TRHDE: variants seen among roughly 807,000 people sequenced by gnomAD.
TRHDE encodes the protein thyrotropin releasing hormone degrading enzyme.
Under a neutral mutation model 125.7 loss-of-function variants are expected in TRHDE, and 72 were observed. That is an observed-to-expected ratio of 0.57 (90% CI 0.47 to 0.70). TRHDE has a LOEUF of 0.70. Among genes scored for constraint, TRHDE ranks in the 30% least tolerant of loss-of-function variants. The pLI is 0.00. For synonymous variants in TRHDE, 509 were observed against 509.1 expected (o/e 1.00, Z 0.00); for missense variants, 1,110 against 1,327.1 (o/e 0.84, Z 2.54).
chr12:72,537,790 C>A (rs763836641), intron 6 of TRHDE, among the ~76,000 whole-genome samples: 1 of 151,962 alleles, frequency 6.6e-6, no homozygotes, highest in Non-Finnish European at 1.5e-5. Flanking sequence ...TTTTTGAGAG[C>A]CTGCTATGTG....
At chr12:72,326,774 C>T (rs1463606294) in intron 2 of TRHDE, among the ~76,000 whole-genome samples, 1 of 152,100 alleles carries the variant, frequency 6.6e-6, no homozygotes, top group Non-Finnish European at 1.5e-5. Context: ...CGTAGGAAGT[C>T]CACTTTCAGA....
Position 72,653,115 on chromosome 12 carries a change from C to A in TRHDE, c.2943C>A (p.Ala981=). The change falls in exon 17 of 19, where the codon GCC becomes GCA. Residue 981 remains alanine, a synonymous_variant. Transcript: ENST00000261180. The part of the protein sequence containing the change: ...VARNPHGRDL[A]WKFFRDKWKI... ...GAAATCCACATGGTCGAGACCTTGC[C>A]TGGAAGTTTTTCAGGGATAAATGGA... The A allele has an allele frequency of 1.2e-6, 2 of 1,609,040 alleles. No homozygotes were observed. Among genetic ancestry groups the A allele is most frequent in the Admixed American group, 3.4e-5 (2 of 59,460 alleles).
At chr12:72,152,513 G>A (rs1000788191) in intron 2 of TRHDE, among the ~76,000 whole-genome samples, 33 of 152,142 alleles carry the variant, frequency 2.2e-4, no homozygotes, top group African/African-American at 7.7e-4. Flanking sequence ...TGTCCATTCA[G>A]TATGATATTG....
At chr12:72,344,940 A>G (rs1295265016) in intron 2 of TRHDE, among the ~76,000 whole-genome samples, 1 of 152,128 alleles carries the variant, frequency 6.6e-6, no homozygotes, top group Non-Finnish European at 1.5e-5. Flanking sequence ...GGCCTTGGAA[A>G]TGGACTCTGG....
chr12:72,168,435 A>T (rs952586904), intron 2 of TRHDE, among the ~76,000 whole-genome samples: 7 of 152,166 alleles, frequency 4.6e-5, no homozygotes, highest in Non-Finnish European at 8.8e-5. Flanking sequence ...TAGAGGTTGT[A>T]TGGTTCTGGG....
chr12:72,413,807 C>T (rs575781352), intron 3 of TRHDE, among the ~76,000 whole-genome samples: 4 of 151,966 alleles, frequency 2.6e-5, no homozygotes, highest in Admixed American at 6.6e-5. Context: ...AATTGTTGGC[C>T]TTGCTGTAGT....
chr12:72,242,836 T>C (rs553473714), intron 2 of TRHDE, among the ~76,000 whole-genome samples: 24 of 152,310 alleles, frequency 1.6e-4, no homozygotes, highest in South Asian at 2.1e-4. Flanking sequence ...GAGAGACAGG[T>C]TGGAGAATGG....
chr12:72,109,558 G>A (rs1875269389), intron 2 of TRHDE, among the ~76,000 whole-genome samples: 1 of 151,958 alleles, frequency 6.6e-6, no homozygotes, highest in South Asian at 2.1e-4. Flanking sequence ...TTTTCTCTAT[G>A]GTGGCACTTT....
intron 7 of TRHDE, among the ~76,000 whole-genome samples, chr12:72,544,220 A>G (rs1405269126): frequency 6.6e-6 from 1 of 151,508 alleles, no homozygotes; most frequent in East Asian, 1.9e-4. Flanking sequence ...TCTAGGTGAT[A>G]AATTATCATC....
chr12:72,589,034 A>G (rs894439969), intron 12 of TRHDE, among the ~76,000 whole-genome samples: 1 of 152,168 alleles, frequency 6.6e-6, no homozygotes, highest in Non-Finnish European at 1.5e-5. Context: ...ACCTCGCACT[A>G]GGTTTCTCCC....
At chr12:72,253,184 T>A (rs1424250233) in intron 2 of TRHDE, among the ~76,000 whole-genome samples, 1 of 152,140 alleles carries the variant, frequency 6.6e-6, no homozygotes, top group Non-Finnish European at 1.5e-5. Context: ...TATATAGAAA[T>A]GACATTGGTT....
chr12:72,518,312 T>A (rs1408598592), intron 6 of TRHDE, among the ~76,000 whole-genome samples: 3 of 146,742 alleles, frequency 2.0e-5, no homozygotes, highest in Non-Finnish European at 4.5e-5. Flanking sequence ...GGACTTGCTT[T>A]ATGAATCTGG....
At chr12:72,397,992 C>T (rs1285670848) in intron 3 of TRHDE, among the ~76,000 whole-genome samples, 2 of 138,164 alleles carry the variant, frequency 1.4e-5, no homozygotes, top group African/African-American at 5.4e-5. Context: ...CCTCCCCCAA[C>T]CCCACAACAG....
At chr12:72,125,070 TG>T (rs1306161668) in intron 2 of TRHDE, among the ~76,000 whole-genome samples, 1 of 152,204 alleles carries the variant, frequency 6.6e-6, no homozygotes, top group East Asian at 1.9e-4. Context: ...AGATTCAATT[TG>T]TTAATATTTT....
chr12:72,510,123 G>C (rs1194893527), intron 6 of TRHDE, among the ~76,000 whole-genome samples: 1 of 152,092 alleles, frequency 6.6e-6, no homozygotes, highest in Non-Finnish European at 1.5e-5. Flanking sequence ...TCCCTCTCCT[G>C]CCTCAGGCAC....
intron 2 of TRHDE, among the ~76,000 whole-genome samples, chr12:72,151,746 T>C (rs1197642112): frequency 6.6e-6 from 1 of 152,190 alleles, no homozygotes; most frequent in Admixed American, 6.5e-5. Flanking sequence ...TTCTGTTCCA[T>C]TGGTCTATAT....
At chr12:72,371,738 C>T (rs1371152830) in intron 2 of TRHDE, among the ~76,000 whole-genome samples, 19 of 151,986 alleles carry the variant, frequency 1.3e-4, no homozygotes, top group East Asian at 1.9e-4. Flanking sequence ...TTTTTATGGC[C>T]GCATAGTATT....
chr12:72,263,129 A>T (rs1878989190), intron 2 of TRHDE: 1 of 152,072 alleles, frequency 6.6e-6, no homozygotes, highest in African/African-American at 2.4e-5. Flanking sequence ...TAAAAATAAA[A>T]ATGAGAAGAG....
At chr12:72,380,475 G>A (rs1286865719) in intron 3 of TRHDE, among the ~76,000 whole-genome samples, 2 of 152,140 alleles carry the variant, frequency 1.3e-5, no homozygotes, top group Non-Finnish European at 2.9e-5. Flanking sequence ...TTAGGAAGAT[G>A]GCTTTTAAGT....
Sources: gnomAD v4.1 joint callset for allele counts (sites outside exome capture counted in the v4.1 genomes callset) on GRCh38, gnomAD v4.1.1 for gene constraint, MANE v1.5 for transcripts, NCBI Gene and HGNC (gene_info 2026-07-23, HGNC 2026-07-21) for gene names.